TMEM108: variants seen among roughly 807,000 people sequenced by gnomAD.
TMEM108 encodes cancer/testis antigen 124.
In TMEM108, 12 loss-of-function variants were observed where a neutral mutation model predicts 35.1. The ratio of observed to expected loss-of-function variants is 0.34; its 90% CI spans 0.22 to 0.55. The LOEUF is 0.55. Ranked by LOEUF, TMEM108 falls within the 20% of genes least tolerant of loss-of-function variation. The pLI, the probability that TMEM108 is intolerant of heterozygous loss-of-function variation, is 0.89. For synonymous variants in TMEM108, 287 were observed against 308.6 expected (o/e 0.93, Z 0.73); for missense variants, 680 against 753.3 (o/e 0.90, Z 1.14).
At chr3:133,371,613 CAAAAA>C (rs3054624) in intron 3 of TMEM108, among the ~76,000 whole-genome samples, 27 of 78,056 alleles carry the variant, frequency 3.5e-4, no homozygotes, top group South Asian at 5.7e-4. Flanking sequence ...CACAAACCCA[CAAAAA>C]AAAAAAAAAA....
At chr3:133,263,241 T>G (rs1946650608) in intron 3 of TMEM108, among the ~76,000 whole-genome samples, 1 of 152,204 alleles carries the variant, frequency 6.6e-6, no homozygotes, top group Non-Finnish European at 1.5e-5. Flanking sequence ...GAGTGGCAAG[T>G]GAGAAATTAG....
At chr3:133,296,701 AGGGGGG>A (rs1559895761) in intron 3 of TMEM108, among the ~76,000 whole-genome samples, 2 of 152,106 alleles carry the variant, frequency 1.3e-5, no homozygotes, top group African/African-American at 4.8e-5. Flanking sequence ...AGAGTAGGAC[AGGGGGG>A]ACTTGGGGGC....
intron 3 of TMEM108, among the ~76,000 whole-genome samples, chr3:133,251,478 C>T (rs539165970): frequency 1.3e-5 from 2 of 152,244 alleles, no homozygotes; most frequent in South Asian, 4.1e-4. Context: ...ATCACTATGA[C>T]TTAACATAAG....
chr3:133,215,992 C>T (rs1471369767), intron 2 of TMEM108, among the ~76,000 whole-genome samples: 4 of 152,080 alleles, frequency 2.6e-5, no homozygotes, highest in African/African-American at 9.7e-5. Context: ...GTGCCAATAT[C>T]AAATGCTTTA....
At chr3:133,383,899 G>A (rs1388164293) in intron 4 of TMEM108, among the ~76,000 whole-genome samples, 1 of 152,146 alleles carries the variant, frequency 6.6e-6, no homozygotes, top group African/African-American at 2.4e-5. Context: ...TCTTGCCTTG[G>A]CCCTGACTGC....
chr3:133,189,884 A>T (rs1397210696), intron 2 of TMEM108, among the ~76,000 whole-genome samples: 1 of 152,212 alleles, frequency 6.6e-6, no homozygotes, highest in Non-Finnish European at 1.5e-5. Flanking sequence ...ATTTTCATCA[A>T]ATCCTTCAGC....
At chr3:133,208,328 A>G (rs942149546) in intron 2 of TMEM108, among the ~76,000 whole-genome samples, 1 of 152,290 alleles carries the variant, frequency 6.6e-6, no homozygotes, top group African/African-American at 2.4e-5. Context: ...TAATGGAATG[A>G]TGAAAGCCAG....
chr3:133,263,121 A>G (rs879257168), intron 3 of TMEM108, among the ~76,000 whole-genome samples: 1 of 152,232 alleles, frequency 6.6e-6, no homozygotes, highest in Non-Finnish European at 1.5e-5. Flanking sequence ...GGTAGAGACC[A>G]TATGTGTTGT....
intron 2 of TMEM108, among the ~76,000 whole-genome samples, chr3:133,066,556 A>G (rs1428337254): frequency 6.6e-6 from 1 of 152,158 alleles, no homozygotes; most frequent in Non-Finnish European, 1.5e-5. Context: ...CATCCTAGAA[A>G]CCATTTAAAA....
At chr3:133,273,204 C>T (rs747466325) in intron 3 of TMEM108, among the ~76,000 whole-genome samples, 1 of 152,146 alleles carries the variant, frequency 6.6e-6, no homozygotes, top group Non-Finnish European at 1.5e-5. Context: ...GTAAATAACC[C>T]TAGTCTTAAA....
chr3:133,083,980 T>C (rs568637871), intron 2 of TMEM108, among the ~76,000 whole-genome samples: 42 of 152,252 alleles, frequency 2.8e-4, no homozygotes, highest in African/African-American at 9.6e-4. Context: ...TGAAGATGAA[T>C]CTCTTGACAC....
chr3:133,040,968 G>T (rs1383963085), intron 1 of TMEM108, among the ~76,000 whole-genome samples: 6 of 152,220 alleles, frequency 3.9e-5, no homozygotes, highest in Admixed American at 6.5e-5. Context: ...CATTGTGTAA[G>T]TATAAGAGCC....
chr3:133,266,208 GTTGT>G (rs1213495478), intron 3 of TMEM108, among the ~76,000 whole-genome samples: 1 of 151,826 alleles, frequency 6.6e-6, no homozygotes, highest in Non-Finnish European at 1.5e-5. Context: ...TTTTGTTGCT[GTTGT>G]TTGTTTGTTT....
intron 2 of TMEM108, among the ~76,000 whole-genome samples, chr3:133,217,263 T>C (rs749902075): frequency 7.9e-5 from 12 of 152,080 alleles, no homozygotes; most frequent in Non-Finnish European, 1.8e-4. Flanking sequence ...GTTTTTTTGC[T>C]CATTTTTTAA....
At chr3:133,337,336 G>C (rs1051754776) in intron 3 of TMEM108, among the ~76,000 whole-genome samples, 6 of 152,168 alleles carry the variant, frequency 3.9e-5, no homozygotes, top group Non-Finnish European at 7.4e-5. Context: ...CCCAGCTCCA[G>C]GTGGCTCAAA....
chr3:133,178,413 A>G (rs1945272896), intron 2 of TMEM108, among the ~76,000 whole-genome samples: 1 of 152,170 alleles, frequency 6.6e-6, no homozygotes, highest in African/African-American at 2.4e-5. Flanking sequence ...AAATTATACT[A>G]CAAGGCTACA....
intron 3 of TMEM108, among the ~76,000 whole-genome samples, chr3:133,303,991 G>A (rs144972219): frequency 1.3e-3 from 200 of 152,266 alleles, no homozygotes; most frequent in African/African-American, 4.3e-3. Context: ...TAAGTCTCAC[G>A]ATTTGAGATC....
At chr3:133,052,458 A>G (rs542604339) in intron 2 of TMEM108, among the ~76,000 whole-genome samples, 38 of 150,814 alleles carry the variant, frequency 2.5e-4, no homozygotes, top group Admixed American at 1.1e-3. Flanking sequence ...CTTCCTTCCC[A>G]ATCTGTATTC....
At chr3:133,071,632 G>T (rs1315334616) in intron 2 of TMEM108, among the ~76,000 whole-genome samples, 1 of 152,012 alleles carries the variant, frequency 6.6e-6, no homozygotes, top group Non-Finnish European at 1.5e-5. Flanking sequence ...AGCCATTTGT[G>T]TATTATCTAT....
Sources: gnomAD v4.1 joint callset for allele counts (sites outside exome capture counted in the v4.1 genomes callset) on GRCh38, gnomAD v4.1.1 for gene constraint, MANE v1.5 for transcripts, NCBI Gene and HGNC (gene_info 2026-07-23, HGNC 2026-07-21) for gene names.